MSRA: variants seen among roughly 807,000 people sequenced by gnomAD.
MSRA encodes methionine sulfoxide reductase A, also known as mitochondrial peptide methionine sulfoxide reductase.
Under a neutral mutation model 31.3 loss-of-function variants are expected in MSRA, and 54 were observed. That is an observed-to-expected ratio of 1.73 (90% CI 1.39 to 2.17). The LOEUF (loss-of-function observed/expected upper bound fraction) is 2.17. Ranked by LOEUF, MSRA falls within the 30% of genes most tolerant of loss-of-function variation. The probability of loss-of-function intolerance (pLI) is 0.00; values close to 1 mark genes in which losing one functional copy is unlikely to be tolerated. For missense variants in MSRA, 507 were observed against 300.9 expected (o/e 1.69, Z -5.07); for synonymous variants, 169 against 116.5 (o/e 1.45, Z -2.90).
At chr8:10,366,959 G>A (rs549801258) in intron 5 of MSRA, among the ~76,000 whole-genome samples, 1 of 152,238 alleles carries the variant, frequency 6.6e-6, no homozygotes, top group South Asian at 2.1e-4. Flanking sequence ...TAATTAAGTA[G>A]TCTCCCCTTA....
rs575862497 is a variant in MSRA at position 10,256,726 on chromosome 8, C to T, written c.331+11503C>T. On this transcript the variant is annotated intron_variant, in intron 3 of 5. Coordinates refer to ENST00000317173, the MANE Select transcript of MSRA (RefSeq NM_012331.5). Reference sequence around the variant, plus strand: ...GTAAGAGTTCAGATTTGCATGTGTCCATTCTTCCCTTTCTGTGGGGCAGAG... The same window carrying T: ...GTAAGAGTTCAGATTTGCATGTGTCTATTCTTCCCTTTCTGTGGGGCAGAG... Among the ~76,000 whole-genome samples, 19 of 152,300 alleles carry T rather than the reference C, an allele frequency of 1.2e-4. No homozygotes were observed. The East Asian group carries it at 3.1e-3, about 25-fold the overall frequency.
At chr8:10,401,956 T>A (rs1254745137) in intron 5 of MSRA, among the ~76,000 whole-genome samples, 1 of 152,188 alleles carries the variant, frequency 6.6e-6, no homozygotes, top group African/African-American at 2.4e-5. Flanking sequence ...TGATGACAGT[T>A]TTTGAAAATG....
At chr8:10,308,533 C>G (rs749801108) in intron 4 of MSRA, among the ~76,000 whole-genome samples, 2 of 152,228 alleles carry the variant, frequency 1.3e-5, no homozygotes, top group Non-Finnish European at 1.5e-5. Context: ...GCTGTGGCCC[C>G]CTCTGGCTTA....
intron 5 of MSRA, among the ~76,000 whole-genome samples, chr8:10,385,246 G>A (rs754710523): frequency 1.3e-5 from 2 of 152,178 alleles, no homozygotes; most frequent in East Asian, 3.9e-4. Context: ...CCACCTGGGG[G>A]ATGGCAGCAG....
chr8:10,379,490 G>A (rs935234818), intron 5 of MSRA, among the ~76,000 whole-genome samples: 1 of 152,196 alleles, frequency 6.6e-6, no homozygotes, highest in Admixed American at 6.5e-5. Context: ...CTCGCCCCAT[G>A]CCAGGCCCTC....
chr8:10,197,856 G>T (rs184141747), intron 1 of MSRA, among the ~76,000 whole-genome samples: 2 of 152,300 alleles, frequency 1.3e-5, no homozygotes, highest in Admixed American at 1.3e-4. Context: ...GTCACTTGGG[G>T]CAGTTTCTTA....
intron 1 of MSRA, among the ~76,000 whole-genome samples, chr8:10,118,481 C>G (rs889463934): frequency 1.3e-5 from 2 of 152,094 alleles, no homozygotes; most frequent in African/African-American, 4.8e-5. Flanking sequence ...ATCCATCTCT[C>G]CCCTCTTTAA....
chr8:10,291,268 A>T (rs1800218749), intron 3 of MSRA, among the ~76,000 whole-genome samples: 1 of 152,210 alleles, frequency 6.6e-6, no homozygotes, highest in South Asian at 2.1e-4. Flanking sequence ...AGGATCATAA[A>T]TTCTCCATCG....
chr8:10,293,052 G>A (rs763436116), intron 3 of MSRA, among the ~76,000 whole-genome samples: 2 of 152,170 alleles, frequency 1.3e-5, no homozygotes, highest in Non-Finnish European at 2.9e-5. Flanking sequence ...TCCGTCCCTC[G>A]TGAGCTCTGA....
chr8:10,336,549 T>C (rs1803058148), intron 5 of MSRA, among the ~76,000 whole-genome samples: 1 of 152,148 alleles, frequency 6.6e-6, no homozygotes, highest in South Asian at 2.1e-4. Flanking sequence ...CAGTGTCTGA[T>C]GTACAGTGGA....
intron 5 of MSRA, among the ~76,000 whole-genome samples, chr8:10,367,138 C>G (rs1216030246): frequency 7.2e-5 from 11 of 152,164 alleles, no homozygotes; most frequent in South Asian, 2.1e-4. Context: ...GTCCTGAGAC[C>G]TGACTCATCC....
chr8:10,421,226 C>T (rs769454926), intron 5 of MSRA, among the ~76,000 whole-genome samples: 4 of 152,166 alleles, frequency 2.6e-5, no homozygotes, highest in South Asian at 2.1e-4. Flanking sequence ...GGGCTGGCCT[C>T]GGCTGCTGAC....
At chr8:10,110,875 T>G (rs1800228486) in intron 1 of MSRA, among the ~76,000 whole-genome samples, 1 of 152,214 alleles carries the variant, frequency 6.6e-6, no homozygotes, top group South Asian at 2.1e-4. Context: ...ATGACCCTTC[T>G]GTATTCCACC....
intron 5 of MSRA, among the ~76,000 whole-genome samples, chr8:10,413,260 G>A (rs892089580): frequency 6.6e-6 from 1 of 152,212 alleles, no homozygotes; most frequent in African/African-American, 2.4e-5. Flanking sequence ...GCAAAGGTAG[G>A]AGTCTGGTGC....
chr8:10,345,154 C>A (rs949003356), intron 5 of MSRA, among the ~76,000 whole-genome samples: 1 of 152,174 alleles, frequency 6.6e-6, no homozygotes, highest in East Asian at 1.9e-4. Context: ...CCTCTGCTTC[C>A]TATGCTGATG....
At position 10,262,569 on chromosome 8, in the gene MSRA, G is replaced by A. The variant is rs573140504; in HGVS notation, c.331+17346G>A. ...CTTTTGCCCATTTTTTATTTGGGTTGTTGTTTTCTTATTGATGAGATTTAA... is the reference window on the plus strand; with the variant it reads ...CTTTTGCCCATTTTTTATTTGGGTTATTGTTTTCTTATTGATGAGATTTAA... On this transcript the variant is annotated intron_variant, in intron 3 of 5. Transcript: ENST00000317173. 3.3e-5 allele frequency among the ~76,000 whole-genome samples: 5 copies of A among 152,240 alleles called. No homozygotes were observed. The South Asian group carries it at 8.3e-4, about 25-fold the overall frequency.
At position 10,245,143 on chromosome 8, in the gene MSRA, T is replaced by C. The variant is rs776336448; in HGVS notation, c.251T>C (p.Val84Ala). The C allele has an allele frequency of 6.2e-7, 1 of 1,613,682 alleles. No individual in the cohort carries two copies. The highest frequency in any genetic ancestry group is 8.5e-7 in the Non-Finnish European group (1 of 1,179,854). Residue 84 changes from valine to alanine, a missense_variant, in exon 3 of 6, where the codon GTC (valine) becomes GCC (alanine). Val to Ala is a moderately conservative substitution (Grantham distance 64). Coordinates refer to ENST00000317173, the MANE Select transcript of MSRA (RefSeq NM_012331.5). ...CFWGAERKFW[V>A]LKGVYSTQVG... ...TGGGGAGCTGAAAGGAAATTCTGGG[T>C]CTTGAAAGGAGTGTATTCAACTCAA... is the stretch of plus-strand genomic sequence containing the variant.
At chr8:10,097,933 C>G (rs1410202880) in intron 1 of MSRA, among the ~76,000 whole-genome samples, 1 of 152,076 alleles carries the variant, frequency 6.6e-6, no homozygotes, top group Admixed American at 6.6e-5. Context: ...TAGAAATTCT[C>G]TCTGGCCTAC....
intron 1 of MSRA, among the ~76,000 whole-genome samples, chr8:10,180,671 C>G (rs1020077108): frequency 6.6e-6 from 1 of 152,202 alleles, no homozygotes; most frequent in African/African-American, 2.4e-5. Context: ...AGCGCTGTAC[C>G]AGGAACCAGA....
Sources: gnomAD v4.1 joint callset for allele counts (sites outside exome capture counted in the v4.1 genomes callset) on GRCh38, gnomAD v4.1.1 for gene constraint, MANE v1.5 for transcripts, NCBI Gene and HGNC (gene_info 2026-07-23, HGNC 2026-07-21) for gene names.